Variants in CACNA1C observed in about 807,000 individuals in gnomAD.
The protein encoded by CACNA1C is voltage-dependent L-type calcium channel subunit alpha-1C.
A neutral mutation model predicts 229.0 loss-of-function variants in CACNA1C; 30 were observed. That is an observed-to-expected ratio of 0.13 (90% CI 0.10 to 0.18). The LOEUF (loss-of-function observed/expected upper bound fraction) is 0.18, where lower values mean the gene tolerates loss of function less well. Ranked by LOEUF, CACNA1C falls within the 10% of genes least tolerant of loss-of-function variation. The pLI, the probability that CACNA1C is intolerant of heterozygous loss-of-function variation, is 1.00. For missense variants in CACNA1C, 1,658 were observed against 2,845.0 expected, an observed-to-expected ratio of 0.58 and a Z score of 9.49; for synonymous variants, 1,114 against 1,132.5, an observed-to-expected ratio of 0.98 and a Z score of 0.33.
intron 3 of CACNA1C, among the ~76,000 whole-genome samples, chr12:2,351,122 G>A (rs566491259): frequency 1.3e-5 from 2 of 152,282 alleles, no homozygotes; most frequent in South Asian, 2.1e-4. Flanking sequence ...TGACATTTGG[G>A]GATGGATAAT....
At chr12:2,167,768 T>G (rs895865921) in intron 3 of CACNA1C, among the ~76,000 whole-genome samples, 2 of 152,202 alleles carry the variant, frequency 1.3e-5, no homozygotes, top group African/African-American at 4.8e-5. Context: ...ATTTTCCAGC[T>G]GCCCTTCTGA....
rs911519276 is a variant in CACNA1C, at chr12:2,669,142, C to A, written c.4726+107C>A. 1.7e-5 allele frequency: 14 copies of A among 811,560 alleles called. No individual in the cohort carries two copies. The Admixed American group carries it at 2.3e-4, about 13-fold the overall frequency. 50.3% of individuals were successfully genotyped at this position (811,560 alleles called of 1,614,324 possible). A position where few individuals can be genotyped will look rare whatever the true frequency, so the allele number is the denominator to read the frequency against. On this transcript the variant is annotated intron_variant, in intron 38 of 46. Transcript: ENST00000399655. ...GCTCAAGGGAACTTCCTGCCCCAGA[C>A]AGCATCCGAGCTGGGATACGGGGGT... is the stretch of plus-strand genomic sequence containing the variant.
chr12:2,625,951 C>T (rs2086233852), intron 29 of CACNA1C, among the ~76,000 whole-genome samples: 1 of 152,164 alleles, frequency 6.6e-6, no homozygotes, highest in Admixed American at 6.5e-5. Context: ...GAGTTAAACC[C>T]TGTCTCTAAA....
intron 3 of CACNA1C, among the ~76,000 whole-genome samples, chr12:2,436,753 G>A (rs1273063371): frequency 6.6e-6 from 1 of 152,208 alleles, no homozygotes; most frequent in Non-Finnish European, 1.5e-5. Context: ...GCTGCTTTCA[G>A]AAGCAAGTAC....
chr12:2,483,869 C>T (rs1204720504), intron 5 of CACNA1C, among the ~76,000 whole-genome samples: 2 of 152,212 alleles, frequency 1.3e-5, no homozygotes, highest in Non-Finnish European at 2.9e-5. Flanking sequence ...CCCTGAAACT[C>T]ACCTGTCCCT....
At chr12:2,402,356 G>A (rs1438363496) in intron 3 of CACNA1C, among the ~76,000 whole-genome samples, 2 of 152,264 alleles carry the variant, frequency 1.3e-5, no homozygotes, top group Non-Finnish European at 2.9e-5. Flanking sequence ...TAGTGCAATT[G>A]GAAGGGACAC....
intron 1 of CACNA1C, among the ~76,000 whole-genome samples, chr12:2,097,325 T>C (rs1349224240): frequency 6.6e-6 from 1 of 151,934 alleles, no homozygotes; most frequent in Non-Finnish European, 1.5e-5. Flanking sequence ...TTTTTGTATT[T>C]TTAGTAGAGA....
chr12:1,987,015 G>T (rs556700513), intron 1 of CACNA1C, among the ~76,000 whole-genome samples: 2 of 152,284 alleles, frequency 1.3e-5, no homozygotes, highest in East Asian at 3.9e-4. Flanking sequence ...GGGATAGAAC[G>T]AAGGAGAGAA....
At chr12:2,616,365 G>A (rs1040777591) in intron 29 of CACNA1C, among the ~76,000 whole-genome samples, 1 of 152,220 alleles carries the variant, frequency 6.6e-6, no homozygotes, top group Non-Finnish European at 1.5e-5. Flanking sequence ...GTGATTTTCA[G>A]CCAGAAGTTG....
At chr12:2,584,272 T>C (rs973012193) in intron 15 of CACNA1C, among the ~76,000 whole-genome samples, 2 of 152,254 alleles carry the variant, frequency 1.3e-5, no homozygotes, top group South Asian at 2.1e-4. Flanking sequence ...CCTGCTCCAG[T>C]GTGCAGGCTA....
intron 3 of CACNA1C, among the ~76,000 whole-genome samples, chr12:2,347,785 C>G (rs1335155926): frequency 6.6e-6 from 1 of 152,238 alleles, no homozygotes; most frequent in African/African-American, 2.4e-5. Flanking sequence ...CAGACCTGCC[C>G]AGTGATGTCC....
At chr12:2,083,017 T>G (rs1203107741) in intron 1 of CACNA1C, among the ~76,000 whole-genome samples, 1 of 152,226 alleles carries the variant, frequency 6.6e-6, no homozygotes, top group African/African-American at 2.4e-5. Flanking sequence ...TTTCCTGAAT[T>G]GCCAGTTAAT....
intron 3 of CACNA1C, among the ~76,000 whole-genome samples, chr12:2,139,202 G>T (rs973402626): frequency 6.6e-6 from 1 of 150,754 alleles, no homozygotes; most frequent in African/African-American, 2.4e-5. Context: ...TGCCAGCAGC[G>T]CCTGGCATCC....
upstream of CACNA1C, among the ~76,000 whole-genome samples, chr12:2,050,703 TG>T (rs1314857066): frequency 7.2e-5 from 11 of 152,158 alleles, no homozygotes. Context: ...CCAACAAAAT[TG>T]AGATCGCTAT....
chr12:2,585,466 G>C lies in CACNA1C; in HGVS notation c.2430G>C (p.Thr810=). 6.3e-7 allele frequency: 1 copy of C among 1,577,410 alleles called. No homozygotes were observed. The highest frequency in any genetic ancestry group is 8.6e-7 in the Non-Finnish European group (1 of 1,160,792). The change falls in exon 17 of 47, where the codon ACG becomes ACC. Residue 810 remains threonine, a synonymous_variant. Coordinates refer to ENST00000399655, the MANE Select transcript of CACNA1C (RefSeq NM_000719.7). This position sits in a 1 kb window ranked among gnomAD's most constrained non-coding sequence, Gnocchi z 4.1. ...AGAAGATTGAGCTGAAATCCATCACGGCTGACGGAGAGTCTCCACCCGCCA... is the reference window on the plus strand; with the variant it reads ...AGAAGATTGAGCTGAAATCCATCACCGCTGACGGAGAGTCTCCACCCGCCA... ...KEEKIELKSI[T]ADGESPPATK... is the part of the protein sequence containing the mutation.
chr12:2,489,516 G>T (rs556008154), intron 6 of CACNA1C, among the ~76,000 whole-genome samples: 1 of 152,240 alleles, frequency 6.6e-6, no homozygotes, highest in East Asian at 1.9e-4. Flanking sequence ...TTTTGTTTCC[G>T]GTTGTCCCAT....
chr12:2,005,723 T>G (rs2043291872), intron 1 of CACNA1C, among the ~76,000 whole-genome samples: 1 of 152,208 alleles, frequency 6.6e-6, no homozygotes, highest in Admixed American at 6.5e-5. Context: ...TGGTCCAGTA[T>G]TTTCCAAAAG....
intron 5 of CACNA1C, among the ~76,000 whole-genome samples, chr12:2,481,130 A>G (rs1402470782): frequency 6.6e-6 from 1 of 152,022 alleles, no homozygotes; most frequent in Non-Finnish European, 1.5e-5. Flanking sequence ...TTGTGATAGT[A>G]TCTCTGGGGC....
chr12:2,073,121 C>CA (rs2061961750), intron 1 of CACNA1C, among the ~76,000 whole-genome samples: 1 of 152,278 alleles, frequency 6.6e-6, no homozygotes, highest in East Asian at 1.9e-4. Flanking sequence ...TTTCAGCTCT[C>CA]AAAGTCTTGC....
Sources: allele counts gnomAD v4.1 joint callset (sites outside exome capture counted in the v4.1 genomes callset), GRCh38; gene constraint gnomAD v4.1.1; non-coding constraint Gnocchi (gnomAD v3.1); transcripts MANE v1.5; gene names NCBI Gene and HGNC (gene_info 2026-07-23, HGNC 2026-07-21).